The following CDK19 variants were observed in gnomAD, a reference collection of about 807,000 sequenced individuals.
CDK19 encodes the protein cyclin-dependent kinase 19.
A neutral mutation model predicts 68.3 loss-of-function variants in CDK19; 20 were observed. That is an observed-to-expected ratio of 0.29 (90% confidence interval 0.21 to 0.43). CDK19 has a LOEUF of 0.43. Ranked by LOEUF, CDK19 falls within the 20% of genes least tolerant of loss-of-function variation. CDK19 has a pLI of 1.00. For synonymous variants in CDK19, 221 were observed against 222.8 expected (o/e 0.99, Z 0.07); for missense variants, 339 against 623.5 (o/e 0.54, Z 4.86).
chr6:110,633,108 A>G (rs1285572746), intron 5 of CDK19, among the ~76,000 whole-genome samples: 2 of 152,072 alleles, frequency 1.3e-5, no homozygotes, highest in Non-Finnish European at 2.9e-5. Flanking sequence ...AGTCCCAGCC[A>G]CTACGGAGGC....
intron 1 of CDK19, among the ~76,000 whole-genome samples, chr6:110,761,170 A>G (rs1193212318): frequency 1.3e-5 from 2 of 152,084 alleles, no homozygotes; most frequent in Non-Finnish European, 2.9e-5. Flanking sequence ...CTGGTCTCGA[A>G]TGCCTTGGCT....
chr6:110,730,966 C>G (rs142392723), intron 2 of CDK19, among the ~76,000 whole-genome samples: 241 of 152,024 alleles, frequency 1.6e-3, no homozygotes, highest in African/African-American at 5.5e-3. Flanking sequence ...GCAGGAGAAT[C>G]ATTTGAACCT....
At chr6:110,653,363 T>TA (rs1174545774) in intron 4 of CDK19, among the ~76,000 whole-genome samples, 2 of 151,868 alleles carry the variant, frequency 1.3e-5, no homozygotes, top group Admixed American at 1.3e-4. Context: ...TGCTCTTTTT[T>TA]AAAAAAAAGA....
At chr6:110,735,970 T>C (rs1777221660) in intron 2 of CDK19, among the ~76,000 whole-genome samples, 1 of 152,212 alleles carries the variant, frequency 6.6e-6, no homozygotes, top group Non-Finnish European at 1.5e-5. Context: ...CTGAGGAACC[T>C]GTGAACTGCT....
intron 4 of CDK19, among the ~76,000 whole-genome samples, chr6:110,666,978 T>A (rs1582817009): frequency 6.6e-6 from 1 of 152,194 alleles, no homozygotes. Flanking sequence ...ACCTGTTAGA[T>A]TTATTTATTC....
chr6:110,809,979 A>G (rs185535532), intron 1 of CDK19, among the ~76,000 whole-genome samples: 1 of 152,320 alleles, frequency 6.6e-6, no homozygotes, highest in East Asian at 1.9e-4. Flanking sequence ...GTATTGAAGT[A>G]TGAGTTTTAC....
At chr6:110,783,060 A>G (rs1262381933) in intron 1 of CDK19, among the ~76,000 whole-genome samples, 2 of 152,190 alleles carry the variant, frequency 1.3e-5, no homozygotes, top group Non-Finnish European at 2.9e-5. Context: ...CAGTCCCACC[A>G]TTATACCAAC....
At position 110,815,226 on chromosome 6, in the gene CDK19, T is replaced by A; in HGVS notation, c.-90A>T. ...CCCCCCGCGACCGCCGCTCCACTTC[T>A]CCAACAGCCGCCTCTCGCGCGCGCG... is the stretch of plus-strand genomic sequence containing the variant. On this transcript the variant is annotated 5_prime_UTR_variant, in exon 1 of 13. Coordinates refer to ENST00000368911, the MANE Select transcript of CDK19 (RefSeq NM_015076.5). 8.4e-7 allele frequency: 1 copy of A among 1,197,522 alleles called. No homozygotes were observed. Among genetic ancestry groups the A allele is most frequent in the Non-Finnish European group, 1.1e-6 (1 of 943,390 alleles). The allele number at this position is 1,197,522 out of a possible 1,614,324, so 74.2% of individuals were successfully genotyped here.
chr6:110,754,379 G>A (rs1583026706), intron 1 of CDK19, among the ~76,000 whole-genome samples: 1 of 152,042 alleles, frequency 6.6e-6, no homozygotes, highest in Non-Finnish European at 1.5e-5. Flanking sequence ...TTTAAAAAAT[G>A]TATCTGCAGT....
intron 8 of CDK19, among the ~76,000 whole-genome samples, chr6:110,624,217 C>CA (rs1400850756): frequency 2.0e-5 from 3 of 151,940 alleles, no homozygotes; most frequent in Non-Finnish European, 2.9e-5. Context: ...GCAGAACACT[C>CA]AGAGTCTACC....
At chr6:110,672,556 A>C (rs1771109158) in intron 2 of CDK19, among the ~76,000 whole-genome samples, 1 of 152,212 alleles carries the variant, frequency 6.6e-6, no homozygotes, top group Admixed American at 6.5e-5. Flanking sequence ...GAAATGTCTC[A>C]CTACCACTCC....
intron 2 of CDK19, among the ~76,000 whole-genome samples, chr6:110,731,568 A>G (rs993362263): frequency 7.9e-5 from 12 of 152,206 alleles, no homozygotes; most frequent in Non-Finnish European, 4.4e-5. Context: ...AATGGATTAT[A>G]TAACTTAAAA....
At chr6:110,675,014 A>G (rs1198774933) in intron 2 of CDK19, among the ~76,000 whole-genome samples, 2 of 152,140 alleles carry the variant, frequency 1.3e-5, no homozygotes, top group Non-Finnish European at 2.9e-5. Flanking sequence ...AAGCTAACAG[A>G]GGTTGGTTCA....
chr6:110,749,064 A>G (rs1778273634), intron 1 of CDK19, among the ~76,000 whole-genome samples: 1 of 152,244 alleles, frequency 6.6e-6, no homozygotes, highest in Non-Finnish European at 1.5e-5. Flanking sequence ...ACTGTTTTCT[A>G]CATTTTCGTG....
At chr6:110,619,600 T>C (rs1354459284) in intron 12 of CDK19, among the ~76,000 whole-genome samples, 1 of 151,732 alleles carries the variant, frequency 6.6e-6, no homozygotes, top group Non-Finnish European at 1.5e-5. Flanking sequence ...TCTTGCTAAG[T>C]TGGCTTGGCA....
At chr6:110,749,101 C>T (rs1256538346) in intron 1 of CDK19, among the ~76,000 whole-genome samples, 1 of 152,128 alleles carries the variant, frequency 6.6e-6, no homozygotes, top group Non-Finnish European at 1.5e-5. Context: ...ATTAGAGCAA[C>T]TGCATATTGA....
rs1362421073 is a variant in CDK19, at chr6:110,613,042, T to C, written c.*1493A>G. The C allele has an allele frequency of 2.6e-5, 4 of 152,628 alleles. No homozygotes were observed. Among genetic ancestry groups the C allele is most frequent in the Non-Finnish European group, 5.9e-5 (4 of 68,040 alleles). 9.5% of individuals were successfully genotyped at this position (152,628 alleles called of 1,614,324 possible). ...CTATTTCTTCTAGCTCAAGAAAACA[T>C]TTAAAACAAGGCTGGTGCTGCTAGT... On this transcript the variant is annotated 3_prime_UTR_variant, in exon 13 of 13. Coordinates refer to ENST00000368911, the MANE Select transcript of CDK19 (RefSeq NM_015076.5).
chr6:110,673,207 C>T (rs191408399), intron 2 of CDK19, among the ~76,000 whole-genome samples: 123 of 152,228 alleles, frequency 8.1e-4, no homozygotes, highest in African/African-American at 2.9e-3. Flanking sequence ...TGTCTGCCCA[C>T]TTGTGTCTGC....
chr6:110,673,015 T>TA (rs1771151498), intron 2 of CDK19, among the ~76,000 whole-genome samples: 1 of 152,152 alleles, frequency 6.6e-6, no homozygotes, highest in African/African-American at 2.4e-5. Flanking sequence ...TCAATGGGAT[T>TA]AAGTACAACC....
Sources: allele counts gnomAD v4.1 joint callset (sites outside exome capture counted in the v4.1 genomes callset), GRCh38; gene constraint gnomAD v4.1.1; transcripts MANE v1.5; gene names NCBI Gene and HGNC (gene_info 2026-07-23, HGNC 2026-07-21).